Variants in ZNF385D observed in about 807,000 individuals in gnomAD.
The protein encoded by ZNF385D is zinc finger protein 659.
A neutral mutation model predicts 35.8 loss-of-function variants in ZNF385D; 15 were observed. That is an observed-to-expected ratio of 0.42 (90% CI 0.28 to 0.64). The LOEUF (loss-of-function observed/expected upper bound fraction) is 0.64, where lower values mean the gene tolerates loss of function less well. Ranked by LOEUF, ZNF385D falls within the 30% of genes least tolerant of loss-of-function variation. ZNF385D has a pLI of 0.23. For synonymous variants in ZNF385D, 212 were observed against 186.8 expected (o/e 1.13, Z -1.10); for missense variants, 474 against 494.6 (o/e 0.96, Z 0.39).
intron 3 of ZNF385D, among the ~76,000 whole-genome samples, chr3:21,909,114 G>C (rs1699836183): frequency 6.6e-6 from 1 of 152,016 alleles, no homozygotes; most frequent in Admixed American, 6.6e-5. Flanking sequence ...TGAAAACACA[G>C]ATGTTCAATT....
At chr3:21,724,295 A>G (rs373118437) in intron 1 of ZNF385D, among the ~76,000 whole-genome samples, 2 of 151,986 alleles carry the variant, frequency 1.3e-5, no homozygotes, top group East Asian at 3.9e-4. Context: ...AAATTCGCAC[A>G]TAACAATATT....
intron 2 of ZNF385D, among the ~76,000 whole-genome samples, chr3:21,565,673 CTATT>C (rs1468721071): frequency 1.3e-5 from 2 of 152,210 alleles, no homozygotes; most frequent in East Asian, 1.9e-4. Flanking sequence ...TAGATGCTGG[CTATT>C]TATTATTATA....
intron 3 of ZNF385D, among the ~76,000 whole-genome samples, chr3:22,058,230 G>GAAT (rs1699509517): frequency 6.6e-6 from 1 of 152,116 alleles, no homozygotes. Context: ...AACTGTATTA[G>GAAT]AATACTTTTT....
chr3:22,073,247 G>T (rs902434345), intron 3 of ZNF385D, among the ~76,000 whole-genome samples: 3 of 150,840 alleles, frequency 2.0e-5, no homozygotes, highest in Non-Finnish European at 4.4e-5. Context: ...AATCTAATAA[G>T]ATTTCCCTTT....
intron 3 of ZNF385D, among the ~76,000 whole-genome samples, chr3:22,164,575 G>C (rs943175238): frequency 6.6e-6 from 1 of 150,646 alleles, no homozygotes; most frequent in Non-Finnish European, 1.5e-5. Flanking sequence ...AGGGCAGAGG[G>C]CTAGGTTATC....
At chr3:21,706,493 G>A (rs1309811187) in intron 1 of ZNF385D, among the ~76,000 whole-genome samples, 2 of 152,194 alleles carry the variant, frequency 1.3e-5, no homozygotes, top group Non-Finnish European at 2.9e-5. Flanking sequence ...GGAGACAAAA[G>A]TGAAAATTGT....
chr3:21,425,896 A>T (rs1195059314), intron 5 of ZNF385D, among the ~76,000 whole-genome samples: 2 of 152,156 alleles, frequency 1.3e-5, no homozygotes, highest in African/African-American at 4.8e-5. Context: ...ACTTTATATG[A>T]TGTTATTAAA....
intron 3 of ZNF385D, among the ~76,000 whole-genome samples, chr3:21,807,501 A>G (rs1484469908): frequency 6.6e-6 from 1 of 152,160 alleles, no homozygotes; most frequent in African/African-American, 2.4e-5. Flanking sequence ...CAAAATTAAG[A>G]CCTGGCTTTG....
intron 3 of ZNF385D, among the ~76,000 whole-genome samples, chr3:22,014,127 T>C (rs1293861334): frequency 6.6e-6 from 1 of 152,098 alleles, no homozygotes. Context: ...ATCATATGAC[T>C]AAATATAGAA....
intron 3 of ZNF385D, among the ~76,000 whole-genome samples, chr3:21,999,770 C>CAA (rs577860632): frequency 0.032 from 1,580 of 49,244 alleles, 17 homozygotes; most frequent in South Asian, 0.088. Flanking sequence ...CCCAGTCAGG[C>CAA]AAAAAAAAAA....
intron 3 of ZNF385D, among the ~76,000 whole-genome samples, chr3:21,828,357 T>C (rs903062847): frequency 6.6e-6 from 1 of 152,220 alleles, no homozygotes; most frequent in Non-Finnish European, 1.5e-5. Flanking sequence ...ATAAGTCATA[T>C]TTTAAACATC....
chr3:21,438,593 A>G (rs558118715), intron 4 of ZNF385D, among the ~76,000 whole-genome samples: 73 of 152,214 alleles, frequency 4.8e-4, no homozygotes, highest in African/African-American at 1.7e-3. Context: ...TAGTCAATAA[A>G]AAGAGAAATG....
intron 3 of ZNF385D, among the ~76,000 whole-genome samples, chr3:21,850,843 A>G (rs1575775111): frequency 2.6e-5 from 4 of 152,232 alleles, no homozygotes; most frequent in Admixed American, 2.6e-4. Flanking sequence ...ATGTGCCTAA[A>G]AATTACAGAA....
At chr3:21,928,643 G>C (rs1298162641) in intron 3 of ZNF385D, among the ~76,000 whole-genome samples, 4 of 152,136 alleles carry the variant, frequency 2.6e-5, no homozygotes, top group African/African-American at 9.7e-5. Context: ...TTACCAAATT[G>C]AGGAATCAGA....
At chr3:22,249,794 T>G (rs1055218850) in intron 2 of ZNF385D, among the ~76,000 whole-genome samples, 4 of 152,022 alleles carry the variant, frequency 2.6e-5, no homozygotes, top group Non-Finnish European at 4.4e-5. Flanking sequence ...AATTGTGGGG[T>G]TTTTTTCTGT....
chr3:22,062,969 A>G (rs1699764047), intron 3 of ZNF385D, among the ~76,000 whole-genome samples: 1 of 152,210 alleles, frequency 6.6e-6, no homozygotes, highest in Admixed American at 6.5e-5. Flanking sequence ...GAGAAATTCT[A>G]AGCCAGAACC....
chr3:21,881,713 A>G (rs1054907059), intron 3 of ZNF385D, among the ~76,000 whole-genome samples: 2 of 152,010 alleles, frequency 1.3e-5, no homozygotes, highest in Non-Finnish European at 2.9e-5. Context: ...CCTCTGATGG[A>G]TCTGGGCAAT....
chr3:21,973,505 G>T (rs1053951395), intron 3 of ZNF385D, among the ~76,000 whole-genome samples: 3 of 151,938 alleles, frequency 2.0e-5, no homozygotes, highest in Non-Finnish European at 2.9e-5. Context: ...CTAAGATCTG[G>T]GATGAGACAA....
intron 3 of ZNF385D, among the ~76,000 whole-genome samples, chr3:21,940,430 C>T (rs904412277): frequency 1.1e-4 from 16 of 152,248 alleles, no homozygotes; most frequent in Admixed American, 5.2e-4. Flanking sequence ...TTAGGAAATA[C>T]ATATGTAAAG....
Sources: gnomAD v4.1 joint callset for allele counts (sites outside exome capture counted in the v4.1 genomes callset) on GRCh38, gnomAD v4.1.1 for gene constraint, MANE v1.5 for transcripts, NCBI Gene and HGNC (gene_info 2026-07-23, HGNC 2026-07-21) for gene names.